ATP10B: variants seen among roughly 807,000 people sequenced by gnomAD.
The protein encoded by ATP10B is ATPase phospholipid transporting 10B (putative).
Under a neutral mutation model 141.2 loss-of-function variants are expected in ATP10B, and 122 were observed. The ratio of observed to expected loss-of-function variants is 0.86; its 90% confidence interval spans 0.75 to 1.00. The LOEUF is 1.00. Ranked by LOEUF, ATP10B falls within the 50% of genes least tolerant of loss-of-function variation. The pLI is 0.00. For synonymous variants in ATP10B, 685 were observed against 692.0 expected (o/e 0.99, Z 0.16); for missense variants, 1,876 against 1,825.3 (o/e 1.03, Z -0.51).
chr5:160,644,088 G>A (rs780170008), intron 9 of ATP10B, 50 bp downstream of exon 9: 1 of 1,467,138 alleles, frequency 6.8e-7, no homozygotes, highest in Non-Finnish European at 9.5e-7. Flanking sequence ...GGATTTGGAG[G>A]GGGAAGGATA....
At chr5:160,853,355 A>T (rs1753897121), upstream of ATP10B, among the ~76,000 whole-genome samples, 4 of 152,160 alleles carry the variant, frequency 2.6e-5, no homozygotes, top group South Asian at 8.3e-4. Context: ...AGAATATTGC[A>T]CTAGTGGGTA....
At chr5:160,766,293 C>T (rs868821136) in intron 2 of ATP10B, among the ~76,000 whole-genome samples, 15 of 147,136 alleles carry the variant, frequency 1.0e-4, no homozygotes, top group Admixed American at 2.0e-4. Context: ...TGCAAAAATA[C>T]GGAACCAGCC....
At chr5:160,811,525 C>A (rs1188662303) in intron 1 of ATP10B, among the ~76,000 whole-genome samples, 1 of 152,102 alleles carries the variant, frequency 6.6e-6, no homozygotes, top group Non-Finnish European at 1.5e-5. Flanking sequence ...TAAGGAAATG[C>A]TAGTGGTAGC....
At chr5:160,583,281 T>G (rs1755669323) in intron 24 of ATP10B, among the ~76,000 whole-genome samples, 1 of 152,218 alleles carries the variant, frequency 6.6e-6, no homozygotes, top group African/African-American at 2.4e-5. Flanking sequence ...GGCTTTTTTT[T>G]GTTGATGTTG....
At chr5:160,882,931 G>T in the ATP10B span, among the ~76,000 whole-genome samples, 1 of 152,010 alleles carries the variant, frequency 6.6e-6, no homozygotes, top group Admixed American at 6.6e-5. Context: ...AGAAAAAATA[G>T]AATTGGTTGG....
chr5:160,684,231 C>A (rs1293920337), intron 6 of ATP10B, among the ~76,000 whole-genome samples: 1 of 152,188 alleles, frequency 6.6e-6, no homozygotes, highest in Non-Finnish European at 1.5e-5. Flanking sequence ...AAAAATAATG[C>A]AATTTCAGCT....
the ATP10B span, among the ~76,000 whole-genome samples, chr5:160,886,060 T>C: frequency 2.0e-5 from 3 of 152,202 alleles, no homozygotes; most frequent in Non-Finnish European, 4.4e-5. Context: ...TTCTTTTCCA[T>C]GAATGTTTGA....
At chr5:160,659,112 G>C (rs1244316508) in intron 7 of ATP10B, among the ~76,000 whole-genome samples, 2 of 152,172 alleles carry the variant, frequency 1.3e-5, no homozygotes, top group Non-Finnish European at 2.9e-5. Flanking sequence ...AAAACTTTAA[G>C]ATATAATTCA....
At chr5:160,592,851 G>C (rs184560749) in intron 22 of ATP10B, among the ~76,000 whole-genome samples, 4 of 152,222 alleles carry the variant, frequency 2.6e-5, no homozygotes, top group South Asian at 2.1e-4. Flanking sequence ...AGGCAGCAGC[G>C]AGGCTGGGGG....
At chr5:160,770,987 C>G (rs1769861123) in intron 2 of ATP10B, among the ~76,000 whole-genome samples, 1 of 152,086 alleles carries the variant, frequency 6.6e-6, no homozygotes, top group Non-Finnish European at 1.5e-5. Flanking sequence ...TTCTCACCAC[C>G]CTCAAAAGTG....
rs546829911 is a variant in ATP10B, at chr5:160,743,131, C to T, written c.-330-26097G>A. Among the ~76,000 whole-genome samples the T allele has an allele frequency of 2.0e-5, 3 of 152,130 alleles. No individual in the cohort carries two copies. The South Asian group carries it at 6.2e-4, about 32-fold the overall frequency. ...CCTATGGGACTGGCATTATCGCTGC[C>T]CCATTTTGTAAGTAATAAAACTGAA... On this transcript the variant is annotated intron_variant, in intron 2 of 25. Coordinates refer to ENST00000327245, the MANE Select transcript of ATP10B (RefSeq NM_025153.3).
intron 1 of ATP10B, among the ~76,000 whole-genome samples, chr5:160,794,010 G>A (rs774574412): frequency 6.6e-6 from 1 of 152,188 alleles, no homozygotes; most frequent in African/African-American, 2.4e-5. Context: ...TGTGATGTTA[G>A]TACAGGATAA....
chr5:160,851,331 C>T (rs899936533), intron 1 of ATP10B, among the ~76,000 whole-genome samples: 2 of 152,264 alleles, frequency 1.3e-5, no homozygotes, highest in Admixed American at 1.3e-4. Context: ...ACAGGACTGT[C>T]CTAAATGTAT....
chr5:160,662,438 C>T (rs1160708365), intron 7 of ATP10B, among the ~76,000 whole-genome samples: 2 of 151,756 alleles, frequency 1.3e-5, no homozygotes, highest in African/African-American at 4.8e-5. Context: ...GTACTGGTAC[C>T]AAAACAGAGA....
chr5:160,575,266 G>GT (rs963208411), intron 24 of ATP10B, among the ~76,000 whole-genome samples: 18 of 151,676 alleles, frequency 1.2e-4, no homozygotes, highest in East Asian at 7.7e-4. Context: ...CTAATGGTGT[G>GT]TTTTTTTTCC....
At chr5:160,648,268 C>T (rs867739069) in intron 8 of ATP10B, among the ~76,000 whole-genome samples, 4 of 152,172 alleles carry the variant, frequency 2.6e-5, no homozygotes, top group Non-Finnish European at 5.9e-5. Flanking sequence ...CCCAGGGTGG[C>T]TTTGAACATG....
chr5:160,686,452 A>G (rs570603504), intron 5 of ATP10B, among the ~76,000 whole-genome samples, 179 bp from the exon 6 acceptor site: 48 of 152,298 alleles, frequency 3.2e-4, no homozygotes, highest in African/African-American at 1.1e-3. Context: ...ATTTCCATAG[A>G]TTATTGGGGA....
At chr5:160,927,587 G>A in the ATP10B span, among the ~76,000 whole-genome samples, 1 of 152,178 alleles carries the variant, frequency 6.6e-6, no homozygotes, top group Non-Finnish European at 1.5e-5. Flanking sequence ...TTGAGCAGAG[G>A]TGTTGAATGA....
chr5:160,657,671 A>C (rs891358494), intron 7 of ATP10B, among the ~76,000 whole-genome samples: 3 of 152,210 alleles, frequency 2.0e-5, no homozygotes, highest in African/African-American at 7.2e-5. Context: ...TGGCATGCCA[A>C]GCAAATACTG....
Sources: gnomAD v4.1 joint callset for allele counts (sites outside exome capture counted in the v4.1 genomes callset) on GRCh38, gnomAD v4.1.1 for gene constraint, MANE v1.5 for transcripts, NCBI Gene and HGNC (gene_info 2026-07-23, HGNC 2026-07-21) for gene names.